SMARCA1: variants seen among roughly 807,000 people sequenced by gnomAD.
SMARCA1 encodes the protein SNF2 related chromatin remodeling ATPase 1.
Under a neutral mutation model 93.6 loss-of-function variants are expected in SMARCA1, and 17 were observed. The observed-to-expected ratio is 0.18, with a 90% CI of 0.12 to 0.27. The LOEUF (loss-of-function observed/expected upper bound fraction) is 0.27. Ranked by LOEUF, SMARCA1 falls within the 10% of genes least tolerant of loss-of-function variation. The probability of loss-of-function intolerance (pLI) is 1.00; values close to 1 mark genes in which losing one functional copy is unlikely to be tolerated. For missense variants in SMARCA1, 630 were observed against 819.0 expected (o/e 0.77, Z 2.82); for synonymous variants, 271 against 271.4 (o/e 1.00, Z 0.01).
At chrX:129,519,774 T>C (rs184491198) in intron 1 of SMARCA1, among the ~76,000 whole-genome samples, 34 of 111,933 alleles carry the variant, frequency 3.0e-4, no homozygotes, top group Admixed American at 4.7e-4. Context: ...ATATAAATCA[T>C]ATTTATTTTC....
intron 19 of SMARCA1, among the ~76,000 whole-genome samples, chrX:129,478,758 ATC>A (rs1253511932): frequency 1.8e-5 from 2 of 112,340 alleles, no homozygotes; most frequent in Admixed American, 1.9e-4. Flanking sequence ...ATAAAGTTAT[ATC>A]AGAGATGATT....
At chrX:129,493,918 G>C (rs1934217244) in intron 12 of SMARCA1, among the ~76,000 whole-genome samples, 1 of 111,515 alleles carries the variant, frequency 9.0e-6, no homozygotes, top group African/African-American at 3.3e-5. Context: ...TGTTGAGAAA[G>C]AATTACTTAT....
chrX:129,521,791 T>C (rs1320792433), intron 1 of SMARCA1, among the ~76,000 whole-genome samples: 2 of 112,459 alleles, frequency 1.8e-5, no homozygotes, highest in African/African-American at 6.5e-5. Context: ...CTAATCCAAG[T>C]ACCGCGTAGA....
intron 16 of SMARCA1, 27 bp downstream of exon 16, chrX:129,488,910 T>A (rs374860910): frequency 9.6e-7 from 1 of 1,045,484 alleles, no homozygotes; most frequent in Non-Finnish European, 1.3e-6. Flanking sequence ...CAATCCAGCA[T>A]GAAAATAAAA....
In SMARCA1 at chrX:129,508,024, T is replaced by G. The variant is rs1361248064; in HGVS notation, c.883A>C (p.Lys295Gln). The G allele has an allele frequency of 8.5e-7, 1 of 1,179,856 alleles. No individual in the cohort carries two copies. Among genetic ancestry groups the G allele is most frequent in the Admixed American group, 2.2e-5 (1 of 44,775 alleles). Residue 295 changes from lysine (K) to glutamine (Q), a missense_variant, in exon 7 of 25, where the codon AAA becomes CAA. Lys to Gln is a moderately conservative substitution (Grantham distance 53). This residue lies in a region of SMARCA1 where 382 missense variants were observed against 537.9 expected (regional missense o/e 0.71). Coordinates refer to ENST00000371121, the MANE Select transcript of SMARCA1 (RefSeq NM_001282874.2). ...VCVTSYEMVI[K>Q]EKSVFKKFHW... ...AACTTTTTGAATACAGATTTTTCTT[T>G]AATTACCATCTCATAAGAAGTAACG...
At chrX:129,470,992 T>C (rs771509685) in intron 20 of SMARCA1, among the ~76,000 whole-genome samples, 9 of 112,495 alleles carry the variant, frequency 8.0e-5, no homozygotes, top group African/African-American at 2.9e-4. Flanking sequence ...ATTTTGCATA[T>C]ACATACTATC....
intron 5 of SMARCA1, 88 bp downstream of exon 5, chrX:129,515,599 A>G: frequency 3.4e-6 from 2 of 595,719 alleles, no homozygotes; most frequent in East Asian, 6.5e-5. Context: ...GCCTCCAGGC[A>G]TCAGGGGGGC....
At chrX:129,491,551 C>G (rs907675764) in intron 14 of SMARCA1, among the ~76,000 whole-genome samples, 25 of 111,877 alleles carry the variant, frequency 2.2e-4, no homozygotes, top group African/African-American at 8.1e-4. Flanking sequence ...TCCTACCTCT[C>G]TTAATTTCAG....
Position 129,518,396 on chromosome X carries a change from C to G in SMARCA1, c.226G>C (p.Glu76Gln). 2.5e-6 allele frequency: 3 copies of G among 1,197,126 alleles called. No homozygotes were observed. The highest frequency in any genetic ancestry group is 3.4e-6 in the Non-Finnish European group (3 of 886,590). ...TCATATTCTGGGTCCATTTCCTTTTCAGATTTAGGCGCTTTAGCAGCAAGT... is the reference window on the plus strand; with the variant it reads ...TCATATTCTGGGTCCATTTCCTTTTGAGATTTAGGCGCTTTAGCAGCAAGT... Reference protein sequence around the residue: ...LKLAAKAPKSEKEMDPEYEEK... With the variant: ...LKLAAKAPKSQKEMDPEYEEK... Residue 76 changes from glutamate (E) to glutamine (Q), a missense_variant, in exon 2 of 25, where the codon GAA becomes CAA. By Grantham distance (29) the Glu-to-Gln change is conservative (BLOSUM62 2). Coordinates refer to ENST00000371121, the MANE Select transcript of SMARCA1 (RefSeq NM_001282874.2).
rs1934878343 is a variant in SMARCA1 at position 129,507,822 on chromosome X, G to T, written c.966+119C>A. 2.1e-5 allele frequency: 10 copies of T among 469,121 alleles called. No individual in the cohort carries two copies. The East Asian group carries it at 4.3e-4, about 20-fold the overall frequency. 38.7% of individuals were successfully genotyped at this position (469,121 alleles called of 1,213,427 possible). A position where few individuals can be genotyped will look rare whatever the true frequency, so the allele number is the denominator to read the frequency against. On this transcript the variant is annotated intron_variant, in intron 7 of 24. Coordinates refer to ENST00000371121, the MANE Select transcript of SMARCA1 (RefSeq NM_001282874.2). Reference sequence around the variant, plus strand: ...CCTCCTCGGCCTCCCAAAGTGCTGGGATTACAGGCGTGAGCCACCACACCG... The same window carrying T: ...CCTCCTCGGCCTCCCAAAGTGCTGGTATTACAGGCGTGAGCCACCACACCG...
At chrX:129,468,162 T>TA (rs1464286868) in intron 21 of SMARCA1, among the ~76,000 whole-genome samples, 1 of 112,093 alleles carries the variant, frequency 8.9e-6, no homozygotes, top group Non-Finnish European at 1.9e-5. Flanking sequence ...CCAGTAAGTG[T>TA]AAAAAAAATC....
intron 12 of SMARCA1, among the ~76,000 whole-genome samples, chrX:129,495,001 T>C (rs2124287817): frequency 8.9e-6 from 1 of 112,613 alleles, no homozygotes; most frequent in East Asian, 2.8e-4. Context: ...ACTGTCCATA[T>C]GGGTTTTGCA....
intron 23 of SMARCA1, among the ~76,000 whole-genome samples, chrX:129,453,329 AG>A (rs1015838902): frequency 1.8e-5 from 2 of 111,652 alleles, no homozygotes; most frequent in African/African-American, 6.5e-5. Flanking sequence ...ACACTCTTGG[AG>A]GAAGTTAAAA....
chrX:129,470,774 C>G, intron 20 of SMARCA1, among the ~76,000 whole-genome samples: 1 of 111,212 alleles, frequency 9.0e-6, no homozygotes, highest in Non-Finnish European at 1.9e-5. Context: ...GAGGCTTGGG[C>G]AGGAGAATCA....
chrX:129,518,574 T>C (rs1466719483), intron 1 of SMARCA1, 127 bp from the exon 2 acceptor site: 10 of 392,564 alleles, frequency 2.5e-5, no homozygotes, highest in Non-Finnish European at 4.4e-5. Context: ...GTGGGACATG[T>C]ATGGACCAAT....
At chrX:129,453,813 C>A (rs1932435838) in intron 23 of SMARCA1, among the ~76,000 whole-genome samples, 1 of 111,808 alleles carries the variant, frequency 8.9e-6, no homozygotes, top group Non-Finnish European at 1.9e-5. Context: ...AATAGAAAAA[C>A]ATTCCATGCT....
chrX:129,472,955 AGTT>A (rs1303648946), intron 19 of SMARCA1, among the ~76,000 whole-genome samples: 7 of 111,601 alleles, frequency 6.3e-5, no homozygotes. Flanking sequence ...CTCACAAACT[AGTT>A]GTGGAATTAT....
intron 21 of SMARCA1, 68 bp downstream of exon 21, chrX:129,468,705 A>G: frequency 2.5e-6 from 2 of 786,475 alleles, no homozygotes; most frequent in Non-Finnish European, 1.8e-6. Flanking sequence ...ACAAAGGTAC[A>G]ATTAAATTGA....
At chrX:129,491,645 A>C (rs1220559867) in intron 14 of SMARCA1, among the ~76,000 whole-genome samples, 1 of 111,797 alleles carries the variant, frequency 8.9e-6, no homozygotes, top group Non-Finnish European at 1.9e-5. Flanking sequence ...AAACAAATTT[A>C]TGTGTCCTCT....
Sources: allele counts gnomAD v4.1 joint callset (sites outside exome capture counted in the v4.1 genomes callset), GRCh38; gene constraint gnomAD v4.1.1; regional missense constraint gnomAD v4.1.1; transcripts MANE v1.5; gene names NCBI Gene and HGNC (gene_info 2026-07-23, HGNC 2026-07-21).